B3GLCT: variants seen among roughly 807,000 people sequenced by gnomAD.
The protein encoded by B3GLCT is beta 3-glucosyltransferase, also known as beta-1,3-glucosyltransferase.
Under a neutral mutation model 63.4 loss-of-function variants are expected in B3GLCT, and 65 were observed. The ratio of observed to expected loss-of-function variants is 1.03; its 90% confidence interval spans 0.84 to 1.26. The LOEUF (loss-of-function observed/expected upper bound fraction) is 1.26. Ranked by LOEUF, B3GLCT falls within the 50% of genes most tolerant of loss-of-function variation. The probability of loss-of-function intolerance (pLI) is 0.00; values close to 1 mark genes in which losing one functional copy is unlikely to be tolerated. For missense variants in B3GLCT, 577 were observed against 604.8 expected (o/e 0.95, Z 0.48); for synonymous variants, 233 against 219.2 (o/e 1.06, Z -0.55).
At chr13:31,286,622 T>C in intron 11 of B3GLCT, 98 bp from the exon 12 acceptor site, 1 of 833,720 alleles carries the variant, frequency 1.2e-6, no homozygotes, top group Non-Finnish European at 1.9e-6. Flanking sequence ...TTTTGGCATG[T>C]AAGCTCTTAG....
intron 1 of B3GLCT, among the ~76,000 whole-genome samples, chr13:31,213,712 T>C (rs1344625539): frequency 1.5e-5 from 2 of 131,418 alleles, no homozygotes; most frequent in African/African-American, 2.9e-5. Flanking sequence ...GATAAACAAA[T>C]ATATATGTCA....
intron 4 of B3GLCT, among the ~76,000 whole-genome samples, chr13:31,230,422 T>C (rs1454430931): frequency 1.3e-5 from 2 of 152,224 alleles, no homozygotes; most frequent in South Asian, 2.1e-4. Flanking sequence ...GCGTGACAGA[T>C]TGTTTTCTTT....
intron 6 of B3GLCT, among the ~76,000 whole-genome samples, chr13:31,256,200 A>G (rs1329576442): frequency 6.6e-6 from 1 of 152,264 alleles, no homozygotes; most frequent in Non-Finnish European, 1.5e-5. Flanking sequence ...ATCACTGGTT[A>G]TTAGAGAAAT....
chr13:31,229,426 T>C (rs968378984), intron 4 of B3GLCT, 132 bp downstream of exon 4: 1 of 713,740 alleles, frequency 1.4e-6, no homozygotes, highest in South Asian at 1.5e-5. Flanking sequence ...ATTTTGCTTA[T>C]TTAATATTGA....
chr13:31,252,351 CA>C (rs938783256), intron 6 of B3GLCT, among the ~76,000 whole-genome samples: 4 of 152,200 alleles, frequency 2.6e-5, no homozygotes, highest in African/African-American at 9.7e-5. Flanking sequence ...ATGGCAGGAT[CA>C]GATTTACACA....
At chr13:31,216,191 G>T (rs1371247799) in intron 2 of B3GLCT, among the ~76,000 whole-genome samples, 11 of 152,138 alleles carry the variant, frequency 7.2e-5, no homozygotes, top group Admixed American at 6.5e-4. Flanking sequence ...TGTACTATGA[G>T]ATTCTTACAC....
intron 10 of B3GLCT, among the ~76,000 whole-genome samples, chr13:31,282,361 C>T (rs750761837): frequency 3.3e-5 from 5 of 152,032 alleles, no homozygotes; most frequent in African/African-American, 9.7e-5. Context: ...CAGACAGGGC[C>T]GAGTGCGGTG....
intron 3 of B3GLCT, 53 bp from the exon 4 acceptor site, chr13:31,229,127 GTTTAT>G (rs1453488270): frequency 1.1e-5 from 13 of 1,153,762 alleles, no homozygotes; most frequent in Middle Eastern, 2.1e-4. Flanking sequence ...TTGTTTTCAA[GTTTAT>G]TTTAATAATT....
At chr13:31,280,741 T>C (rs1873031168) in intron 10 of B3GLCT, among the ~76,000 whole-genome samples, 1 of 152,228 alleles carries the variant, frequency 6.6e-6, no homozygotes, top group Non-Finnish European at 1.5e-5. Flanking sequence ...AATAACACAT[T>C]TATGTAATTG....
Position 31,302,413 on chromosome 13 carries a change from TA to T in B3GLCT, c.1065-15152del, listed in dbSNP as rs1459026682. On this transcript the variant is annotated intron_variant, in intron 12 of 14. Coordinates refer to ENST00000343307, the MANE Select transcript of B3GLCT (RefSeq NM_194318.4). Reference sequence around the variant, plus strand: ...GTGATTTCTGCATTTCCATCTGAGGTACCGGGTTCATCTCACTAGGGAGTGC... The same window carrying T: ...GTGATTTCTGCATTTCCATCTGAGGTCCGGGTTCATCTCACTAGGGAGTGC... Among the ~76,000 whole-genome samples the T allele has an allele frequency of 1.2e-4, 18 of 148,708 alleles. No homozygotes were observed. In the East Asian group the frequency reaches 2.2e-3, roughly 18 times the overall value.
Position 31,329,554 on chromosome 13 carries a change from G to T in B3GLCT, c.1383G>T (p.Ser461=). The change falls in exon 15 of 15, where the codon TCG becomes TCT. Residue 461 remains serine (S), a synonymous_variant. Transcript: ENST00000343307. ...KDYLSHQVPI[S]FHKHWNIDPV... ...ACCTTTCTCATCAAGTTCCCATATC[G>T]TTCCACAAACACTGGAACATCGATC... 1.2e-6 allele frequency: 2 copies of T among 1,614,150 alleles called. No homozygotes were observed. Among genetic ancestry groups the T allele is most frequent in the Non-Finnish European group, 1.7e-6 (2 of 1,180,026 alleles).
At chr13:31,327,253 C>T (rs991594131) in intron 14 of B3GLCT, among the ~76,000 whole-genome samples, 1 of 152,216 alleles carries the variant, frequency 6.6e-6, no homozygotes, top group Non-Finnish European at 1.5e-5. Flanking sequence ...CATCACTACT[C>T]TTGCTTCAGG....
chr13:31,316,689 C>T (rs1200905198), intron 12 of B3GLCT, among the ~76,000 whole-genome samples: 1 of 151,710 alleles, frequency 6.6e-6, no homozygotes, highest in South Asian at 2.1e-4. Context: ...GTGGAAGGGA[C>T]GTTTCTAATT....
chr13:31,279,589 A>G (rs1484405115), intron 10 of B3GLCT, among the ~76,000 whole-genome samples: 1 of 152,174 alleles, frequency 6.6e-6, no homozygotes, highest in Admixed American at 6.5e-5. Context: ...CAAGGTAATA[A>G]AATAGCACAA....
At chr13:31,264,453 C>G (rs1872195211) in intron 7 of B3GLCT, among the ~76,000 whole-genome samples, 1 of 152,058 alleles carries the variant, frequency 6.6e-6, no homozygotes, top group African/African-American at 2.4e-5. Flanking sequence ...TGGTCTTCTC[C>G]CTACCTCCTC....
intron 1 of B3GLCT, among the ~76,000 whole-genome samples, chr13:31,214,408 C>T (rs1027004040): frequency 6.6e-6 from 1 of 152,164 alleles, no homozygotes; most frequent in African/African-American, 2.4e-5. Context: ...CTAAATGTGG[C>T]TCTAGGGATA....
chr13:31,280,424 G>C (rs1035275118), intron 10 of B3GLCT, among the ~76,000 whole-genome samples: 1 of 152,158 alleles, frequency 6.6e-6, no homozygotes, highest in African/African-American at 2.4e-5. Flanking sequence ...AAGGCCAAAT[G>C]ATGAAGGAAA....
intron 6 of B3GLCT, among the ~76,000 whole-genome samples, chr13:31,248,299 G>A (rs532623838): frequency 1.3e-5 from 2 of 152,204 alleles, no homozygotes; most frequent in Non-Finnish European, 2.9e-5. Context: ...TTATTAGACA[G>A]TGACCATATA....
At chr13:31,248,326 A>T (rs7986671) in intron 6 of B3GLCT, among the ~76,000 whole-genome samples, 29,497 of 151,926 alleles carry the variant, frequency 0.19, 2,924 homozygotes, top group South Asian at 0.27. Flanking sequence ...TAGATAGAAA[A>T]TTTTTTTTGA....
Sources: allele counts gnomAD v4.1 joint callset (sites outside exome capture counted in the v4.1 genomes callset), GRCh38; gene constraint gnomAD v4.1.1; transcripts MANE v1.5; gene names NCBI Gene and HGNC (gene_info 2026-07-23, HGNC 2026-07-21).